Variants in CHD1 observed in about 807,000 individuals in gnomAD.
CHD1 encodes the protein chromodomain helicase DNA binding protein 1.
CHD1 carries 36 observed loss-of-function variants against 224.2 expected under a neutral mutation model. The ratio of observed to expected loss-of-function variants is 0.16; its 90% CI spans 0.12 to 0.21. The LOEUF (loss-of-function observed/expected upper bound fraction) is 0.21. Ranked by LOEUF, CHD1 falls within the 10% of genes least tolerant of loss-of-function variation. CHD1 has a pLI of 1.00. For synonymous variants in CHD1, 668 were observed against 658.3 expected (o/e 1.01, Z -0.23); for missense variants, 1,378 against 1,994.8 (o/e 0.69, Z 5.89).
chr5:98,860,472 A>T, intron 32 of CHD1: 1 of 244,778 alleles, frequency 4.1e-6, no homozygotes, highest in Non-Finnish European at 8.1e-6. Context: ...TTATGCTTGT[A>T]AAGAATTGTC....
chr5:98,921,114 T>C (rs1322279949), intron 2 of CHD1, among the ~76,000 whole-genome samples: 1 of 152,236 alleles, frequency 6.6e-6, no homozygotes, highest in Non-Finnish European at 1.5e-5. Context: ...GTGGGAATCA[T>C]AACAATGTAT....
chr5:98,867,734 C>T (rs1313106631), intron 31 of CHD1, among the ~76,000 whole-genome samples: 3 of 150,764 alleles, frequency 2.0e-5, no homozygotes, highest in South Asian at 2.1e-4. Flanking sequence ...CAGCTGGGTG[C>T]GATAGCTCAT....
At chr5:98,868,660 A>G in intron 30 of CHD1, 25 bp from the exon 31 acceptor site, 1 of 1,521,778 alleles carries the variant, frequency 6.6e-7, no homozygotes, top group Non-Finnish European at 8.8e-7. Context: ...AAAAGAAAAC[A>G]AAAACAAAAC....
chr5:98,871,685 CCT>C (rs113356843), intron 28 of CHD1, among the ~76,000 whole-genome samples: 2 of 151,946 alleles, frequency 1.3e-5, no homozygotes, highest in African/African-American at 4.8e-5. Flanking sequence ...TTCCAGTTAC[CCT>C]GATTGCATCT....
intron 32 of CHD1, among the ~76,000 whole-genome samples, chr5:98,861,257 C>A (rs1748445907): frequency 6.6e-6 from 1 of 152,264 alleles, no homozygotes; most frequent in Admixed American, 6.5e-5. Context: ...TAGTAAATAT[C>A]TGTTCACATT....
At chr5:98,892,210 A>G (rs1253777831) in intron 15 of CHD1, among the ~76,000 whole-genome samples, 3 of 152,214 alleles carry the variant, frequency 2.0e-5, no homozygotes, top group African/African-American at 7.2e-5. Flanking sequence ...GTTAATTGTC[A>G]TAATCATATA....
intron 32 of CHD1, among the ~76,000 whole-genome samples, chr5:98,861,668 CTTTT>C: frequency 7.1e-6 from 1 of 139,970 alleles, no homozygotes; most frequent in South Asian, 2.3e-4. Context: ...TGCCCGACTA[CTTTT>C]TTTTTTTTTT....
chr5:98,897,096 G>A, intron 11 of CHD1, 97 bp downstream of exon 11: 1 of 1,170,042 alleles, frequency 8.5e-7, no homozygotes, highest in Middle Eastern at 2.4e-4. Context: ...AACTGCCAAA[G>A]AGTCTTATTC....
intron 2 of CHD1, among the ~76,000 whole-genome samples, chr5:98,913,851 G>A (rs162149): frequency 0.34 from 51,240 of 151,940 alleles, 10,449 homozygotes; most frequent in African/African-American, 0.57. Context: ...AAGTGTACAA[G>A]TTACGAATAT....
intron 17 of CHD1, 115 bp downstream of exon 17, chr5:98,887,967 TAAAGAA>T: frequency 1.8e-6 from 1 of 550,008 alleles, no homozygotes; most frequent in Non-Finnish European, 2.8e-6. Flanking sequence ...TACATCTTTT[TAAAGAA>T]AAAGTACAGT....
At chr5:98,873,057 G>A (rs114460130) in intron 26 of CHD1, among the ~76,000 whole-genome samples, 1 of 152,080 alleles carries the variant, frequency 6.6e-6, no homozygotes, top group Non-Finnish European at 1.5e-5. Context: ...CAAACTCCTG[G>A]GTTCAAGCTA....
intron 2 of CHD1, among the ~76,000 whole-genome samples, chr5:98,908,796 C>T (rs1041642538): frequency 4.1e-5 from 4 of 96,646 alleles, no homozygotes; most frequent in African/African-American, 7.5e-5. Context: ...ATAATACACC[C>T]ACGGAATAAA....
chr5:98,871,466 AAATAT>A (rs1168051303), intron 28 of CHD1, among the ~76,000 whole-genome samples: 1 of 151,722 alleles, frequency 6.6e-6, no homozygotes, highest in Non-Finnish European at 1.5e-5. Flanking sequence ...TTTTAAAAAT[AAATAT>A]AAAAGATTTT....
rs751974084 is a variant in CHD1 at position 98,889,059 on chromosome 5, C to T, written c.2343+17G>A. On this transcript the variant is annotated intron_variant, in intron 16 of 35. Transcript: ENST00000614616. ...CTAGAACTTTATCACAAAGAAACAA[C>T]ATTTAAAAATTCTTACTTGTAAGGC... 12 of 1,512,842 alleles carry T rather than the reference C, an allele frequency of 7.9e-6. No homozygotes were observed. Among genetic ancestry groups the T allele is most frequent in the Non-Finnish European group, 1.0e-5 (11 of 1,102,590 alleles). 93.7% of individuals were successfully genotyped at this position (1,512,842 alleles called of 1,614,324 possible). A position where few individuals can be genotyped will look rare whatever the true frequency, so the allele number is the denominator to read the frequency against.
At chr5:98,911,175 A>ATATATATATATATATATATATAT (rs1554081101) in intron 2 of CHD1, among the ~76,000 whole-genome samples, 1 of 138,552 alleles carries the variant, frequency 7.2e-6, no homozygotes, top group African/African-American at 2.7e-5. Context: ...ATATATATAT[A>ATATATATATATATATATATATAT]TAGAGGCATG....
In CHD1 at chr5:98,872,068, G is replaced by A; in HGVS notation, c.3844C>T (p.Leu1282Phe). The A allele has an allele frequency of 6.2e-7, 1 of 1,612,364 alleles. No individual in the cohort carries two copies. The highest frequency in any genetic ancestry group is 1.1e-5 in the South Asian group (1 of 90,962). The change falls in exon 28 of 36, where the codon CTC becomes TTC. Residue 1282 changes from leucine to phenylalanine, a missense_variant. By Grantham distance (22) the Leu-to-Phe change is conservative. Transcript: ENST00000614616. ...ATAAATACCTTGTGTGTTAGACTGA[G>A]GTCAGGATCCATTTTAATCATTTCC... ...SWEMIKMDPD[L>F]SLTHKILPDD...
intron 19 of CHD1, among the ~76,000 whole-genome samples, chr5:98,882,397 T>A (rs560982233): frequency 7.2e-6 from 1 of 139,732 alleles, no homozygotes; most frequent in South Asian, 2.5e-4. Context: ...AATTTTTATG[T>A]TATGATTTAG....
At chr5:98,895,788 C>T (rs1751308356) in intron 12 of CHD1, among the ~76,000 whole-genome samples, 1 of 150,266 alleles carries the variant, frequency 6.7e-6, no homozygotes, top group African/African-American at 2.4e-5. Flanking sequence ...AATATATATA[C>T]TAAGTAACAC....
chr5:98,886,869 G>A (rs1240542777), intron 17 of CHD1, among the ~76,000 whole-genome samples: 1 of 152,068 alleles, frequency 6.6e-6, no homozygotes, highest in East Asian at 1.9e-4. Context: ...AAGTGACCTA[G>A]GAATGAGAAG....
Sources: allele counts gnomAD v4.1 joint callset (sites outside exome capture counted in the v4.1 genomes callset), GRCh38; gene constraint gnomAD v4.1.1; transcripts MANE v1.5; gene names NCBI Gene and HGNC (gene_info 2026-07-23, HGNC 2026-07-21).